The following SUGCT variants were observed in gnomAD, a reference collection of about 807,000 sequenced individuals.
SUGCT encodes the protein succinyl-CoA:glutarate CoA-transferase.
Under a neutral mutation model 55.0 loss-of-function variants are expected in SUGCT, and 41 were observed. The observed-to-expected ratio is 0.74, with a 90% CI of 0.58 to 0.97. The LOEUF (loss-of-function observed/expected upper bound fraction) is 0.97. SUGCT is among the 50% of genes least tolerant of loss of function. The probability of loss-of-function intolerance (pLI) is 0.00; values close to 1 mark genes in which losing one functional copy is unlikely to be tolerated. For missense variants in SUGCT, 568 were observed against 547.8 expected (o/e 1.04, Z -0.37); for synonymous variants, 187 against 200.4 (o/e 0.93, Z 0.56).
intron 13 of SUGCT, among the ~76,000 whole-genome samples, chr7:40,790,057 A>G (rs1172906797): frequency 6.6e-6 from 1 of 152,244 alleles, no homozygotes; most frequent in East Asian, 1.9e-4. Flanking sequence ...TTCTATATCA[A>G]TGAATTTTCA....
At chr7:40,787,988 G>C (rs991466281) in intron 13 of SUGCT, among the ~76,000 whole-genome samples, 6 of 152,114 alleles carry the variant, frequency 3.9e-5, no homozygotes, top group African/African-American at 1.2e-4. Flanking sequence ...TAGAGACCAG[G>C]GGGGAAAGCC....
intron 9 of SUGCT, among the ~76,000 whole-genome samples, chr7:40,423,245 A>G (rs1787408023): frequency 6.6e-6 from 1 of 152,082 alleles, no homozygotes; most frequent in Admixed American, 6.6e-5. Flanking sequence ...TTAGGAACCC[A>G]CCCTTTTAGG....
chr7:40,830,748 G>C (rs975298922), intron 13 of SUGCT, among the ~76,000 whole-genome samples: 1 of 152,200 alleles, frequency 6.6e-6, no homozygotes, highest in African/African-American at 2.4e-5. Context: ...TCACACATAT[G>C]TTGATTCATT....
chr7:40,583,433 T>C (rs1797206878), intron 12 of SUGCT, among the ~76,000 whole-genome samples: 1 of 152,166 alleles, frequency 6.6e-6, no homozygotes, highest in African/African-American at 2.4e-5. Flanking sequence ...CCTAAAGTGA[T>C]CATTGAAAAT....
intron 7 of SUGCT, among the ~76,000 whole-genome samples, chr7:40,238,724 C>G (rs987150037): frequency 7.9e-5 from 12 of 151,838 alleles, no homozygotes; most frequent in African/African-American, 2.9e-4. Flanking sequence ...AATTTCAAAG[C>G]AACTGTTGGG....
At chr7:40,977,975 G>A in the SUGCT span, among the ~76,000 whole-genome samples, 319 of 152,232 alleles carry the variant, frequency 2.1e-3, 1 homozygote, top group African/African-American at 7.2e-3. Context: ...TTGGGGCTGC[G>A]ATTCAATTTT....
intron 9 of SUGCT, among the ~76,000 whole-genome samples, chr7:40,389,550 T>A (rs1785307775): frequency 6.6e-6 from 1 of 152,216 alleles, no homozygotes; most frequent in Non-Finnish European, 1.5e-5. Flanking sequence ...CAATAATAAC[T>A]ACAATTCTAA....
Position 40,439,098 on chromosome 7 carries a change from A to G in SUGCT, c.817-10189A>G, listed in dbSNP as rs188803255. On this transcript the variant is annotated intron_variant, in intron 9 of 13. Coordinates refer to ENST00000335693, the MANE Select transcript of SUGCT (RefSeq NM_001193313.2). ...TATATATATATATATATATATATAT[A>G]TATATATATATATGGATAGAGAGAG... 7.9e-3 allele frequency among the ~76,000 whole-genome samples: 1,024 copies of G among 129,602 alleles called. 62 individuals are homozygous for G. Among genetic ancestry groups the G allele is most frequent in the African/African-American group, 0.028 (963 of 34,146 alleles). The allele number at this position is 129,602 out of a possible 152,430, so 85.0% of individuals were successfully genotyped here.
rs1787097529 is a variant in SUGCT, at chr7:40,735,298, C to A, written c.1090-14136C>A. ...AATCACCTTTGTATTTCACTGGATT[C>A]TGTTGTATTTCCTCTTTTATTTAAT... On this transcript the variant is annotated intron_variant, in intron 12 of 13. Coordinates refer to ENST00000335693, the MANE Select transcript of SUGCT (RefSeq NM_001193313.2). Among the ~76,000 whole-genome samples the A allele has an allele frequency of 3.9e-5, 6 of 152,296 alleles. No individual in the cohort carries two copies. The Middle Eastern group carries it at 0.01, about 259-fold the overall frequency.
chr7:41,009,401 A>G, the SUGCT span, among the ~76,000 whole-genome samples: 30 of 152,300 alleles, frequency 2.0e-4, no homozygotes, highest in Admixed American at 1.2e-3. Flanking sequence ...TTCCCAAATC[A>G]TAGGCCTAGT....
intron 13 of SUGCT, among the ~76,000 whole-genome samples, chr7:40,751,378 G>T (rs1223328833): frequency 6.6e-6 from 1 of 152,178 alleles, no homozygotes; most frequent in Non-Finnish European, 1.5e-5. Context: ...ACAGCTTAAA[G>T]CCGGCGGTCA....
chr7:40,529,258 A>G (rs1793961714), intron 12 of SUGCT, among the ~76,000 whole-genome samples: 3 of 152,224 alleles, frequency 2.0e-5, no homozygotes, highest in Admixed American at 2.0e-4. Flanking sequence ...CCCTCTTTAT[A>G]GTGAAATGTC....
chr7:40,698,236 G>A (rs1197520766), intron 12 of SUGCT, among the ~76,000 whole-genome samples: 1 of 152,254 alleles, frequency 6.6e-6, no homozygotes, highest in Admixed American at 6.5e-5. Context: ...GCATAATGCA[G>A]GTGAATGTCT....
chr7:40,590,892 G>A (rs1008539337), intron 12 of SUGCT, among the ~76,000 whole-genome samples: 23 of 152,098 alleles, frequency 1.5e-4, no homozygotes, highest in Admixed American at 2.0e-4. Context: ...GACCACTGTC[G>A]AGACCTAGTG....
At chr7:40,894,785 G>GT in the SUGCT span, among the ~76,000 whole-genome samples, 2 of 152,124 alleles carry the variant, frequency 1.3e-5, no homozygotes, top group African/African-American at 4.8e-5. Context: ...AGTCAGAATG[G>GT]CTATTATTAA....
chr7:40,217,797 AT>A (rs1446962666), intron 6 of SUGCT, among the ~76,000 whole-genome samples: 1 of 152,208 alleles, frequency 6.6e-6, no homozygotes, highest in Non-Finnish European at 1.5e-5. Context: ...GGGCAGAAAC[AT>A]TTGGCTACTT....
At chr7:40,764,193 A>G (rs1788666866) in intron 13 of SUGCT, among the ~76,000 whole-genome samples, 2 of 152,258 alleles carry the variant, frequency 1.3e-5, no homozygotes, top group African/African-American at 4.8e-5. Flanking sequence ...AAATATGAGC[A>G]TGGAAATGAC....
chr7:40,513,115 A>T (rs1793028576), intron 12 of SUGCT, among the ~76,000 whole-genome samples: 1 of 152,150 alleles, frequency 6.6e-6, no homozygotes, highest in African/African-American at 2.4e-5. Context: ...AGTTTAGAAG[A>T]TAGCAGTCTT....
At chr7:40,713,200 T>G (rs1346696592) in intron 12 of SUGCT, among the ~76,000 whole-genome samples, 1 of 152,168 alleles carries the variant, frequency 6.6e-6, no homozygotes, top group Non-Finnish European at 1.5e-5. Flanking sequence ...ACTGGCACTG[T>G]GTAGTCTGGT....
Sources: gnomAD v4.1 joint callset for allele counts (sites outside exome capture counted in the v4.1 genomes callset) on GRCh38, gnomAD v4.1.1 for gene constraint, MANE v1.5 for transcripts, NCBI Gene and HGNC (gene_info 2026-07-23, HGNC 2026-07-21) for gene names.